The following KCNIP4 variants were observed in gnomAD, a reference collection of about 807,000 sequenced individuals.
The protein encoded by KCNIP4 is potassium voltage-gated channel interacting protein 4, also known as Kv channel-interacting protein 4.
A neutral mutation model predicts 34.0 loss-of-function variants in KCNIP4; 12 were observed. That is an observed-to-expected ratio of 0.35 (90% CI 0.23 to 0.57). The LOEUF is 0.57. KCNIP4 is among the 20% of genes least tolerant of loss of function. KCNIP4 has a pLI of 0.83. For synonymous variants in KCNIP4, 124 were observed against 102.2 expected, an observed-to-expected ratio of 1.21 and a Z score of -1.29; for missense variants, 238 against 311.7, an observed-to-expected ratio of 0.76 and a Z score of 1.78.
intron 1 of KCNIP4, among the ~76,000 whole-genome samples, chr4:21,027,525 A>T (rs1740658454): frequency 6.6e-6 from 1 of 150,772 alleles, no homozygotes; most frequent in Non-Finnish European, 1.5e-5. Context: ...TTTTAGGTGC[A>T]TAATTTTGGG....
At chr4:21,265,766 C>T (rs1345745257) in intron 1 of KCNIP4, among the ~76,000 whole-genome samples, 1 of 152,174 alleles carries the variant, frequency 6.6e-6, no homozygotes, top group Non-Finnish European at 1.5e-5. Context: ...TGGAAGGACA[C>T]TTAAACAATC....
intron 1 of KCNIP4, among the ~76,000 whole-genome samples, chr4:21,520,168 C>G (rs1446854181): frequency 6.6e-6 from 1 of 152,036 alleles, no homozygotes; most frequent in Non-Finnish European, 1.5e-5. Context: ...CTGGGTTTGC[C>G]TTTCCCAGCC....
chr4:21,126,935 C>T (rs947791806), intron 1 of KCNIP4, among the ~76,000 whole-genome samples: 4 of 152,184 alleles, frequency 2.6e-5, no homozygotes, highest in African/African-American at 9.7e-5. Context: ...TAGGCTTTTA[C>T]ATGGGCTCTC....
At chr4:20,975,444 C>T (rs894791126) in intron 1 of KCNIP4, among the ~76,000 whole-genome samples, 3 of 152,132 alleles carry the variant, frequency 2.0e-5, no homozygotes. Context: ...ACAGGGCACT[C>T]AGGCATTGAC....
At chr4:21,304,030 T>TGAGAGA (rs770366497) in intron 1 of KCNIP4, 4,287 of 288,388 alleles carry the variant, frequency 0.015, 414 homozygotes, top group African/African-American at 0.024. Context: ...GGAGAGCGTA[T>TGAGAGA]GAGAGAGAGA....
intron 1 of KCNIP4, among the ~76,000 whole-genome samples, chr4:21,342,501 G>A (rs1716855415): frequency 1.3e-5 from 2 of 152,060 alleles, no homozygotes; most frequent in African/African-American, 2.4e-5. Flanking sequence ...AGGACACACA[G>A]CTACTCACTG....
chr4:20,829,325 A>G (rs921936840), intron 3 of KCNIP4, among the ~76,000 whole-genome samples: 5 of 152,004 alleles, frequency 3.3e-5, no homozygotes, highest in Non-Finnish European at 7.4e-5. Context: ...CTCTTGCCTC[A>G]GTCTCCTGAG....
chr4:20,733,352 T>C (rs1434530967), intron 6 of KCNIP4, among the ~76,000 whole-genome samples: 3 of 152,172 alleles, frequency 2.0e-5, no homozygotes, highest in African/African-American at 7.2e-5. Flanking sequence ...TATTAACTTT[T>C]TCTCTAAAAC....
intron 1 of KCNIP4, among the ~76,000 whole-genome samples, chr4:21,527,533 T>G (rs1736073530): frequency 6.6e-6 from 1 of 152,122 alleles, no homozygotes; most frequent in Non-Finnish European, 1.5e-5. Context: ...AAAATTGGAC[T>G]AAAACCTATC....
intron 1 of KCNIP4, among the ~76,000 whole-genome samples, chr4:20,887,950 G>C (rs1343898837): frequency 6.6e-6 from 1 of 151,984 alleles, no homozygotes; most frequent in Non-Finnish European, 1.5e-5. Flanking sequence ...ATGAAAGTTG[G>C]GGGAGGGTCA....
intron 1 of KCNIP4, among the ~76,000 whole-genome samples, chr4:21,054,707 CAA>C (rs34366909): frequency 0.017 from 1,462 of 86,192 alleles, 20 homozygotes; most frequent in African/African-American, 0.053. Flanking sequence ...TACTCACATG[CAA>C]AAAAAAAAAA....
At chr4:21,031,115 C>A (rs1740986884) in intron 1 of KCNIP4, among the ~76,000 whole-genome samples, 1 of 152,204 alleles carries the variant, frequency 6.6e-6, no homozygotes, top group Admixed American at 6.5e-5. Context: ...AAAGACTACG[C>A]CTCCCATGAC....
At chr4:21,894,051 G>T (rs1727248889) in intron 1 of KCNIP4, among the ~76,000 whole-genome samples, 1 of 151,812 alleles carries the variant, frequency 6.6e-6, no homozygotes. Flanking sequence ...AAACAATGAG[G>T]CCAGGCAGGG....
At chr4:21,308,711 A>AGTGTGT (rs10525935) in intron 1 of KCNIP4, among the ~76,000 whole-genome samples, 258 of 149,978 alleles carry the variant, frequency 1.7e-3, no homozygotes, top group African/African-American at 3.4e-3. Context: ...CTGCCGTGTG[A>AGTGTGT]GTGTGTGTGT....
chr4:21,906,414 G>A (rs1184461073), intron 1 of KCNIP4, among the ~76,000 whole-genome samples: 1 of 152,124 alleles, frequency 6.6e-6, no homozygotes, highest in Admixed American at 6.5e-5. Context: ...GCGTGATGTA[G>A]CCACAAGCCA....
intron 1 of KCNIP4, among the ~76,000 whole-genome samples, chr4:20,962,906 G>C (rs1425703190): frequency 1.3e-5 from 2 of 152,142 alleles, no homozygotes; most frequent in Non-Finnish European, 1.5e-5. Flanking sequence ...TAAACATCTA[G>C]TTAGAATATT....
At chr4:21,147,883 G>A (rs1449688907) in intron 1 of KCNIP4, among the ~76,000 whole-genome samples, 1 of 130,920 alleles carries the variant, frequency 7.6e-6, no homozygotes, top group African/African-American at 2.9e-5. Flanking sequence ...ATGTTGCAGT[G>A]AGCCAAGATC....
intron 1 of KCNIP4, among the ~76,000 whole-genome samples, chr4:21,513,834 T>A (rs1443218717): frequency 6.6e-6 from 1 of 152,140 alleles, no homozygotes; most frequent in Non-Finnish European, 1.5e-5. Flanking sequence ...TGAACAACGG[T>A]ACAAAACATA....
At chr4:21,208,738 TG>T (rs1251424468) in intron 1 of KCNIP4, among the ~76,000 whole-genome samples, 1 of 152,196 alleles carries the variant, frequency 6.6e-6, no homozygotes, top group African/African-American at 2.4e-5. Context: ...ATTTTCATAC[TG>T]CTGTAAAGAA....
Sources: gnomAD v4.1 joint callset for allele counts (sites outside exome capture counted in the v4.1 genomes callset) on GRCh38, gnomAD v4.1.1 for gene constraint, MANE v1.5 for transcripts, NCBI Gene and HGNC (gene_info 2026-07-23, HGNC 2026-07-21) for gene names.